FGF18: variants seen among roughly 807,000 people sequenced by gnomAD.
The protein encoded by FGF18 is fibroblast growth factor 18.
A neutral mutation model predicts 23.0 loss-of-function variants in FGF18; 5 were observed. That is an observed-to-expected ratio of 0.22 (90% confidence interval 0.11 to 0.46). The LOEUF is 0.46. Ranked by LOEUF, FGF18 falls within the 20% of genes least tolerant of loss-of-function variation. The pLI, the probability that FGF18 is intolerant of heterozygous loss-of-function variation, is 0.99. For synonymous variants in FGF18, 117 were observed against 118.9 expected (o/e 0.98, Z 0.10); for missense variants, 180 against 291.6 (o/e 0.62, Z 2.79).
At position 171,440,789 on chromosome 5, in the gene FGF18, C is replaced by T. The variant is rs746480060; in HGVS notation, c.250+4516C>T. Among the ~76,000 whole-genome samples the T allele has an allele frequency of 6.6e-6, 1 of 152,174 alleles. No homozygotes were observed. The highest frequency in any genetic ancestry group is 1.5e-5 in the Non-Finnish European group (1 of 68,026). ...TACAGGGAGTCAGCACGCCCCAGTGCAGATGCTTCTCTGAGCCCCCAGGCT... is the reference window on the plus strand; with the variant it reads ...TACAGGGAGTCAGCACGCCCCAGTGTAGATGCTTCTCTGAGCCCCCAGGCT... On this transcript the variant is annotated intron_variant, in intron 3 of 4. Transcript: ENST00000274625. The surrounding 1 kb of genome is among the most constrained non-coding windows in gnomAD (Gnocchi z 4.0).
chr5:171,448,845 G>A (rs926001344), intron 3 of FGF18, among the ~76,000 whole-genome samples: 1 of 152,116 alleles, frequency 6.6e-6, no homozygotes, highest in Non-Finnish European at 1.5e-5. Flanking sequence ...GCCACAGGGG[G>A]CAGAACTCCC....
rs190334074 is a variant in FGF18, at chr5:171,441,356, G to A, written c.250+5083G>A. 6.6e-4 allele frequency among the ~76,000 whole-genome samples: 100 copies of A among 152,290 alleles called. 2 individuals are homozygous for A. In the East Asian group the frequency reaches 0.011, roughly 17 times the overall value. ...CCTTGAATCGGCCTGCAGGCCTGGCGTGCCTGGCTCCTGATCCTGCTGCAG... is the reference window on the plus strand; with the variant it reads ...CCTTGAATCGGCCTGCAGGCCTGGCATGCCTGGCTCCTGATCCTGCTGCAG... On this transcript the variant is annotated intron_variant, in intron 3 of 4. Transcript: ENST00000274625.
At chr5:171,438,925 C>T (rs1297007486) in intron 3 of FGF18, among the ~76,000 whole-genome samples, 1 of 152,078 alleles carries the variant, frequency 6.6e-6, no homozygotes, top group Non-Finnish European at 1.5e-5. Context: ...GCACCCAGGA[C>T]AGTTCAGGAA....
chr5:171,454,135 G>T (rs977618642), intron 4 of FGF18, among the ~76,000 whole-genome samples: 2 of 152,142 alleles, frequency 1.3e-5, no homozygotes, highest in African/African-American at 4.8e-5. Context: ...GCCCATTAAG[G>T]CTTGACGCTT....
intron 2 of FGF18, among the ~76,000 whole-genome samples, chr5:171,423,228 TG>T (rs993191378): frequency 1.3e-5 from 2 of 152,174 alleles, no homozygotes; most frequent in Non-Finnish European, 2.9e-5. Flanking sequence ...CCCTGGGAAG[TG>T]GGAAGCTGGG....
chr5:171,423,337 G>T (rs575980026), intron 2 of FGF18, among the ~76,000 whole-genome samples: 16 of 152,342 alleles, frequency 1.1e-4, no homozygotes, highest in African/African-American at 3.8e-4. Flanking sequence ...GGGAGCAAAC[G>T]GCGTGACCAG....
intron 4 of FGF18, among the ~76,000 whole-genome samples, chr5:171,452,629 C>T (rs1191556117): frequency 2.0e-5 from 3 of 152,102 alleles, no homozygotes; most frequent in Non-Finnish European, 4.4e-5. Context: ...GCATGATGTG[C>T]TAGGCATTTT....
intron 3 of FGF18, among the ~76,000 whole-genome samples, chr5:171,441,958 G>A (rs527250376): frequency 6.6e-6 from 1 of 152,010 alleles, no homozygotes; most frequent in Admixed American, 6.6e-5. Context: ...GGCTTGCACT[G>A]TGCAGTGGGG....
intron 3 of FGF18, among the ~76,000 whole-genome samples, chr5:171,441,661 T>G (rs1297930653): frequency 1.3e-5 from 2 of 152,232 alleles, no homozygotes; most frequent in Non-Finnish European, 2.9e-5. Context: ...CTGTCTCCCG[T>G]GTTAGAGTGT....
chr5:171,455,636 A>T (rs891521537), intron 4 of FGF18, among the ~76,000 whole-genome samples: 11 of 152,154 alleles, frequency 7.2e-5, no homozygotes, highest in Non-Finnish European at 1.5e-4. Context: ...TCACTGTCAG[A>T]CAGGATCTCC....
At chr5:171,455,783 A>C (rs987501982) in intron 4 of FGF18, among the ~76,000 whole-genome samples, 9 of 152,178 alleles carry the variant, frequency 5.9e-5, no homozygotes, top group African/African-American at 1.7e-4. Flanking sequence ...CTCACCTGTG[A>C]GCCAATCACT....
intron 3 of FGF18, among the ~76,000 whole-genome samples, chr5:171,439,143 G>C (rs982672704): frequency 2.0e-5 from 3 of 152,176 alleles, no homozygotes; most frequent in Non-Finnish European, 4.4e-5. Context: ...TCTGTGGGTG[G>C]GCACGAGGGG....
intron 2 of FGF18, 126 bp downstream of exon 2, chr5:171,420,569 T>G: frequency 1.1e-6 from 1 of 917,494 alleles, no homozygotes; most frequent in Non-Finnish European, 1.7e-6. Flanking sequence ...GTGCACCTGT[T>G]CCCAGGGCGC....
chr5:171,457,015 C>CA lies in FGF18; in HGVS notation c.*211dup, dbSNP rs1772595469. The CA allele has an allele frequency of 2.1e-5, 13 of 622,646 alleles. No homozygotes were observed. The East Asian group carries it at 3.8e-4, about 18-fold the overall frequency. The allele number at this position is 622,646 out of a possible 1,614,324, so 38.6% of individuals were successfully genotyped here. On this transcript the variant is annotated 3_prime_UTR_variant, in exon 5 of 5. Transcript: ENST00000274625. ...TTGAAACCCCCGATGACAAAAGACT[C>CA]ACGCAAAGGGACTGTAGTCAACCCA...
At chr5:171,449,400 TGAGA>T (rs112415649) in intron 4 of FGF18, 147 bp downstream of exon 4, 7,412 of 357,580 alleles carry the variant, frequency 0.021, 39 homozygotes, top group African/African-American at 0.029. Context: ...TGTGTGTGTG[TGAGA>T]GAGAGAGAGA....
chr5:171,453,061 G>T (rs1398983224), intron 4 of FGF18, among the ~76,000 whole-genome samples: 1 of 152,118 alleles, frequency 6.6e-6, no homozygotes, highest in Non-Finnish European at 1.5e-5. Context: ...CAGGGTTCTG[G>T]GATGGAATAT....
In FGF18 at chr5:171,451,823, C is replaced by T. The variant is rs777536924; in HGVS notation, c.357+2570C>T. On this transcript the variant is annotated intron_variant, in intron 4 of 4. Coordinates refer to ENST00000274625, the MANE Select transcript of FGF18 (RefSeq NM_003862.3). The surrounding 1 kb of genome is among the most constrained non-coding windows in gnomAD (Gnocchi z 4.5). ...TGCTGTGCCCTCTGCCGGGACTGCCCTTCCCTCTGTCCACTTGCCCTGAGT... is the reference window on the plus strand; with the variant it reads ...TGCTGTGCCCTCTGCCGGGACTGCCTTTCCCTCTGTCCACTTGCCCTGAGT... Among the ~76,000 whole-genome samples the T allele has an allele frequency of 3.3e-5, 5 of 152,214 alleles. No individual in the cohort carries two copies. The highest frequency in any genetic ancestry group is 5.9e-5 in the Non-Finnish European group (4 of 68,028).
intron 3 of FGF18, among the ~76,000 whole-genome samples, chr5:171,443,428 C>T (rs143976491): frequency 1.0e-4 from 15 of 149,094 alleles, no homozygotes; most frequent in East Asian, 2.0e-4. Flanking sequence ...CCCGGCCCCA[C>T]GTTCACACTC....
intron 4 of FGF18, among the ~76,000 whole-genome samples, chr5:171,450,263 C>A (rs1772478860): frequency 6.6e-6 from 1 of 152,108 alleles, no homozygotes; most frequent in South Asian, 2.1e-4. Flanking sequence ...TTGAATCCCC[C>A]AAGTCTTATC....
Sources: allele counts gnomAD v4.1 joint callset (sites outside exome capture counted in the v4.1 genomes callset), GRCh38; gene constraint gnomAD v4.1.1; non-coding constraint Gnocchi (gnomAD v3.1); transcripts MANE v1.5; gene names NCBI Gene and HGNC (gene_info 2026-07-23, HGNC 2026-07-21).